Variants in CALD1 observed in about 807,000 individuals in gnomAD.
The protein encoded by CALD1 is caldesmon.
CALD1 carries 33 observed loss-of-function variants against 99.9 expected under a neutral mutation model. The ratio of observed to expected loss-of-function variants is 0.33; its 90% CI spans 0.25 to 0.44. CALD1 has a LOEUF of 0.44. CALD1 is among the 20% of genes least tolerant of loss of function. The pLI, the probability that CALD1 is intolerant of heterozygous loss-of-function variation, is 1.00. For missense variants in CALD1, 861 were observed against 962.1 expected (o/e 0.89, Z 1.39); for synonymous variants, 310 against 325.0 (o/e 0.95, Z 0.50).
chr7:134,947,487 T>G, intron 7 of CALD1, 21 bp from the exon 8 acceptor site: 1 of 1,562,176 alleles, frequency 6.4e-7, no homozygotes, highest in Middle Eastern at 2.1e-4. Flanking sequence ...TAAACCCCTT[T>G]CCATTGCCCC....
intron 1 of CALD1, among the ~76,000 whole-genome samples, chr7:134,759,263 T>C (rs899252406): frequency 6.6e-6 from 1 of 152,098 alleles, no homozygotes; most frequent in Non-Finnish European, 1.5e-5. Flanking sequence ...GAGAAAAAAA[T>C]AGATCTGTCT....
intron 2 of CALD1, among the ~76,000 whole-genome samples, chr7:134,855,048 G>T (rs1800240770): frequency 6.6e-6 from 1 of 152,286 alleles, no homozygotes; most frequent in South Asian, 2.1e-4. Flanking sequence ...CTTCCACTAT[G>T]ATTGAAAGTC....
At chr7:134,730,767 G>GTT in the CALD1 span, among the ~76,000 whole-genome samples, 1 of 152,130 alleles carries the variant, frequency 6.6e-6, no homozygotes, top group African/African-American at 2.4e-5. Flanking sequence ...GATTAAAATA[G>GTT]ACTTTTGGCT....
chr7:134,902,901 T>C (rs568745764), intron 3 of CALD1, among the ~76,000 whole-genome samples: 36 of 152,236 alleles, frequency 2.4e-4, no homozygotes, highest in African/African-American at 7.9e-4. Context: ...TGTCCTTCAA[T>C]AGGTGAATGG....
At chr7:134,942,416 A>G (rs1456086380) in intron 7 of CALD1, among the ~76,000 whole-genome samples, 1 of 152,246 alleles carries the variant, frequency 6.6e-6, no homozygotes, top group Non-Finnish European at 1.5e-5. Flanking sequence ...GCAGAAACCT[A>G]TTCATATTTA....
intron 1 of CALD1, among the ~76,000 whole-genome samples, chr7:134,751,775 A>G (rs34445931): frequency 0.42 from 64,332 of 151,958 alleles, 14,630 homozygotes; most frequent in East Asian, 0.72. Flanking sequence ...CAGGAGTTTG[A>G]GACAAGCCTG....
At chr7:134,845,715 A>T (rs958790846) in intron 2 of CALD1, among the ~76,000 whole-genome samples, 1 of 152,186 alleles carries the variant, frequency 6.6e-6, no homozygotes, top group African/African-American at 2.4e-5. Flanking sequence ...GTGTCAATGA[A>T]TGAGGCCACC....
the CALD1 span, among the ~76,000 whole-genome samples, chr7:134,734,402 C>A: frequency 6.6e-6 from 1 of 151,978 alleles, no homozygotes; most frequent in Non-Finnish European, 1.5e-5. Context: ...GTCTTCACAG[C>A]ATGCCATGTG....
At chr7:134,875,807 G>C (rs1229123818) in intron 3 of CALD1, among the ~76,000 whole-genome samples, 1 of 152,156 alleles carries the variant, frequency 6.6e-6, no homozygotes, top group Admixed American at 6.5e-5. Flanking sequence ...TATATGTGTA[G>C]GCAAAGTCAT....
At chr7:134,784,950 G>A (rs1797249798) in intron 1 of CALD1, among the ~76,000 whole-genome samples, 1 of 152,150 alleles carries the variant, frequency 6.6e-6, no homozygotes, top group East Asian at 1.9e-4. Context: ...TTCAGTCAAA[G>A]ACTATTGTCT....
chr7:134,931,563 T>C (rs759845315), intron 4 of CALD1, among the ~76,000 whole-genome samples: 1 of 152,228 alleles, frequency 6.6e-6, no homozygotes. Flanking sequence ...AATTTGAACG[T>C]TGAAAGGGCC....
chr7:134,740,296 G>T (rs896979389), upstream of CALD1, among the ~76,000 whole-genome samples: 4 of 151,366 alleles, frequency 2.6e-5, no homozygotes, highest in Non-Finnish European at 4.4e-5. Flanking sequence ...AGTCTGGAGG[G>T]GATTAAAAAA....
chr7:134,711,660 C>CTCTCTCTCTCTCTCTCTCTCTATA, the CALD1 span, among the ~76,000 whole-genome samples: 1 of 78,354 alleles, frequency 1.3e-5, no homozygotes, highest in African/African-American at 6.2e-5. Context: ...CTCTCTCTCT[C>CTCTCTCTCTCTCTCTCTCTCTATA]TATATATATA....
intron 2 of CALD1, among the ~76,000 whole-genome samples, chr7:134,846,226 G>A (rs1055811879): frequency 6.6e-6 from 1 of 152,212 alleles, no homozygotes; most frequent in African/African-American, 2.4e-5. Context: ...TGGTCACAGA[G>A]CATCATCTTG....
upstream of CALD1, among the ~76,000 whole-genome samples, chr7:134,741,029 G>A (rs1796587859): frequency 6.6e-6 from 1 of 152,170 alleles, no homozygotes; most frequent in Admixed American, 6.5e-5. Context: ...TAGTAAATCT[G>A]GGGGTCAGGG....
intron 1 of CALD1, among the ~76,000 whole-genome samples, chr7:134,763,872 C>T (rs553302580): frequency 7.5e-5 from 11 of 145,744 alleles, no homozygotes; most frequent in Admixed American, 5.0e-4. Flanking sequence ...GAGCCGAGAT[C>T]GTGCCATTGC....
At chr7:134,748,983 A>T (rs1412379818) in intron 1 of CALD1, among the ~76,000 whole-genome samples, 1 of 152,184 alleles carries the variant, frequency 6.6e-6, no homozygotes, top group Admixed American at 6.5e-5. Flanking sequence ...GGCACTGTCT[A>T]TAGGCAGAAA....
intron 8 of CALD1, 118 bp downstream of exon 8, chr7:134,947,887 T>C: frequency 3.3e-6 from 4 of 1,207,570 alleles, no homozygotes; most frequent in South Asian, 1.5e-5. Flanking sequence ...AAACTTACCA[T>C]GTGCTAGGTA....
chr7:134,903,955 C>T (rs1803182316), intron 3 of CALD1, among the ~76,000 whole-genome samples: 1 of 151,982 alleles, frequency 6.6e-6, no homozygotes, highest in Non-Finnish European at 1.5e-5. Flanking sequence ...AGGCATGGGG[C>T]CTCACACCTG....
Sources: allele counts gnomAD v4.1 joint callset (sites outside exome capture counted in the v4.1 genomes callset), GRCh38; gene constraint gnomAD v4.1.1; transcripts MANE v1.5; gene names NCBI Gene and HGNC (gene_info 2026-07-23, HGNC 2026-07-21).